The following TRPA1 variants were observed in gnomAD, a reference collection of about 807,000 sequenced individuals.
The protein encoded by TRPA1 is ankyrin-like with transmembrane domains 1.
A neutral mutation model predicts 131.3 loss-of-function variants in TRPA1; 129 were observed. That is an observed-to-expected ratio of 0.98 (90% CI 0.85 to 1.14). The LOEUF is 1.14. Among genes scored for constraint, TRPA1 ranks in the 50% most tolerant of loss-of-function variants. The probability of loss-of-function intolerance (pLI) is 0.00; values close to 1 mark genes in which losing one functional copy is unlikely to be tolerated. For synonymous variants in TRPA1, 441 were observed against 451.7 expected (o/e 0.98, Z 0.30); for missense variants, 1,304 against 1,354.2 (o/e 0.96, Z 0.58).
chr8:72,036,560 AG>A, intron 20 of TRPA1, 103 bp from the exon 21 acceptor site: 1 of 1,127,280 alleles, frequency 8.9e-7, no homozygotes, highest in Non-Finnish European at 1.3e-6. Context: ...CTTTGCAGCC[AG>A]CTGGGGAGAA....
At chr8:72,083,357 C>A in the TRPA1 span, among the ~76,000 whole-genome samples, 1 of 152,000 alleles carries the variant, frequency 6.6e-6, no homozygotes, top group Admixed American at 6.6e-5. Context: ...TGACTTGTTT[C>A]TTTGCTTGTC....
chr8:72,024,909 C>T (rs1238675320), intron 25 of TRPA1, among the ~76,000 whole-genome samples: 1 of 152,096 alleles, frequency 6.6e-6, no homozygotes, highest in Admixed American at 6.5e-5. Context: ...TTTATGACTA[C>T]ACAGGGGAAA....
At chr8:72,023,422 G>T (rs1811467057) in intron 26 of TRPA1, 4 of 474,718 alleles carry the variant, frequency 8.4e-6, no homozygotes, top group South Asian at 4.3e-5. Flanking sequence ...TTGAATAGGG[G>T]TTTGAACTCA....
At chr8:72,047,708 C>A (rs2129434725) in intron 15 of TRPA1, among the ~76,000 whole-genome samples, 1 of 152,024 alleles carries the variant, frequency 6.6e-6, no homozygotes, top group South Asian at 2.1e-4. Context: ...ATAAAATTAC[C>A]TTCAGGCTAT....
At chr8:72,031,038 A>G (rs1223329377) in intron 23 of TRPA1, among the ~76,000 whole-genome samples, 2 of 152,218 alleles carry the variant, frequency 1.3e-5, no homozygotes, top group Non-Finnish European at 2.9e-5. Context: ...TCTATGAGAC[A>G]AGGGATCTGT....
the TRPA1 span, among the ~76,000 whole-genome samples, chr8:72,085,643 T>A: frequency 0.34 from 51,283 of 151,878 alleles, 9,211 homozygotes; most frequent in Non-Finnish European, 0.38. Flanking sequence ...TTATCTGTAC[T>A]TTTTTTCCCT....
chr8:72,075,764 T>C (rs573384042), upstream of TRPA1: 23 of 388,902 alleles, frequency 5.9e-5, no homozygotes, highest in South Asian at 5.1e-4. Flanking sequence ...AGCAGCGCAC[T>C]GACGGAGTCA....
chr8:72,070,885 T>G (rs1585892036), intron 2 of TRPA1, among the ~76,000 whole-genome samples: 1 of 152,236 alleles, frequency 6.6e-6, no homozygotes, highest in South Asian at 2.1e-4. Flanking sequence ...CCTTTGAAAC[T>G]CACTGTGACC....
At chr8:72,051,572 T>C (rs967079976) in intron 14 of TRPA1, among the ~76,000 whole-genome samples, 1 of 152,192 alleles carries the variant, frequency 6.6e-6, no homozygotes, top group Non-Finnish European at 1.5e-5. Context: ...TTGAACACTT[T>C]CATTAAAAGT....
chr8:72,038,631 C>T (rs1812141911), intron 19 of TRPA1: 2 of 461,478 alleles, frequency 4.3e-6, no homozygotes, highest in Non-Finnish European at 3.8e-6. Flanking sequence ...AAGCTAGCAT[C>T]TAACACATGT....
chr8:72,034,477 A>C, intron 21 of TRPA1, 100 bp from the exon 22 acceptor site: 4 of 739,696 alleles, frequency 5.4e-6, no homozygotes, highest in Non-Finnish European at 8.5e-6. Flanking sequence ...ATTAGATTTC[A>C]CAGATGAGAT....
chr8:72,059,631 A>T (rs1805759117), intron 7 of TRPA1, among the ~76,000 whole-genome samples, 193 bp from the exon 8 acceptor site: 1 of 152,232 alleles, frequency 6.6e-6, no homozygotes, highest in Non-Finnish European at 1.5e-5. Flanking sequence ...AAGTAATAAT[A>T]ATAGGAGAAC....
the TRPA1 span, among the ~76,000 whole-genome samples, chr8:72,084,214 G>C: frequency 4.6e-5 from 7 of 151,974 alleles, no homozygotes; most frequent in African/African-American, 1.7e-4. Context: ...CTGTATTTTT[G>C]ATTTTTGTAT....
At chr8:72,031,425 A>G (rs72659646) in intron 23 of TRPA1, among the ~76,000 whole-genome samples, 12,691 of 151,500 alleles carry the variant, frequency 0.084, 796 homozygotes, top group East Asian at 0.29. Flanking sequence ...CAGAAATACA[A>G]AAATTAGCTG....
the TRPA1 span, among the ~76,000 whole-genome samples, chr8:72,082,670 G>C: frequency 6.6e-6 from 1 of 151,366 alleles, no homozygotes; most frequent in East Asian, 1.9e-4. Flanking sequence ...TCAATGAGAA[G>C]TCAACAAATT....
intron 12 of TRPA1, chr8:72,054,327 A>G (rs1477463144): frequency 5.6e-6 from 1 of 178,364 alleles, no homozygotes; most frequent in Non-Finnish European, 1.2e-5. Flanking sequence ...ATACATGGCT[A>G]TAAGATGCTT....
At chr8:72,075,641 G>A, upstream of TRPA1, 1 of 558,714 alleles carries the variant, frequency 1.8e-6, no homozygotes, top group Non-Finnish European at 3.2e-6. Context: ...GGGGCGCGGA[G>A]AGGAGGTAGA....
At chr8:72,072,818 C>T (rs1216914326) in intron 1 of TRPA1, among the ~76,000 whole-genome samples, 2 of 152,138 alleles carry the variant, frequency 1.3e-5, no homozygotes, top group East Asian at 3.9e-4. Flanking sequence ...TCAACACAAA[C>T]CCAGTTCCAC....
chr8:72,072,511 T>TA (rs1205369820), intron 1 of TRPA1, among the ~76,000 whole-genome samples: 9 of 152,040 alleles, frequency 5.9e-5, no homozygotes, highest in Non-Finnish European at 1.2e-4. Context: ...ACTTTTTAAC[T>TA]AAAAAAAATT....
Sources: allele counts gnomAD v4.1 joint callset (sites outside exome capture counted in the v4.1 genomes callset), GRCh38; gene constraint gnomAD v4.1.1; transcripts MANE v1.5; gene names NCBI Gene and HGNC (gene_info 2026-07-23, HGNC 2026-07-21).